Variants in DMXL2 observed in about 807,000 individuals in gnomAD.
DMXL2 encodes dmX-like protein 2.
DMXL2 carries 103 observed loss-of-function variants against 331.1 expected under a neutral mutation model. That is an observed-to-expected ratio of 0.31 (90% CI 0.27 to 0.37). The LOEUF is 0.37. Among genes scored for constraint, DMXL2 ranks in the 10% least tolerant of loss-of-function variants. The pLI is 1.00. For synonymous variants in DMXL2, 1,281 were observed against 1,252.1 expected (o/e 1.02, Z -0.49); for missense variants, 3,171 against 3,642.9 (o/e 0.87, Z 3.33).
chr15:51,481,656 A>G (rs1595957516), intron 23 of DMXL2, 33 bp from the exon 24 acceptor site: 2 of 1,503,728 alleles, frequency 1.3e-6, no homozygotes, highest in African/African-American at 2.8e-5. Flanking sequence ...ATCACAAAGC[A>G]TTGTGTTAAT....
intron 14 of DMXL2, among the ~76,000 whole-genome samples, 179 bp from the exon 15 acceptor site, chr15:51,514,738 A>G (rs888873830): frequency 6.6e-6 from 1 of 152,038 alleles, no homozygotes; most frequent in Non-Finnish European, 1.5e-5. Flanking sequence ...TATCCTGGTC[A>G]GAGAAAAATT....
At chr15:51,579,113 G>T (rs1203923519) in intron 1 of DMXL2, among the ~76,000 whole-genome samples, 4 of 151,892 alleles carry the variant, frequency 2.6e-5, no homozygotes, top group African/African-American at 7.3e-5. Flanking sequence ...TCAAGAAAAG[G>T]AAAAAAATGG....
chr15:51,540,630 C>CA lies in DMXL2; in HGVS notation c.1105+1702dup, dbSNP rs554371309. On this transcript the variant is annotated intron_variant, in intron 9 of 43. Coordinates refer to ENST00000560891, the MANE Select transcript of DMXL2 (RefSeq NM_001378457.1). Reference sequence around the variant, plus strand: ...TATTCTTTCAACTTTCTTGTAGTTTCAAAAAATTTTTTGAAAAAAAAGTGA... The same window carrying CA: ...TATTCTTTCAACTTTCTTGTAGTTTCAAAAAAATTTTTTGAAAAAAAAGTGA... 4.9e-3 allele frequency among the ~76,000 whole-genome samples: 748 copies of CA among 151,218 alleles called. 2 individuals carry two copies. The highest frequency in any genetic ancestry group is 8.3e-3 in the Non-Finnish European group (565 of 67,780).
In DMXL2 at chr15:51,479,980, T is replaced by C; in HGVS notation, c.6724A>G (p.Thr2242Ala). Residue 2242 changes from threonine (T) to alanine (A), a missense_variant, in exon 25 of 44, where the codon ACA becomes GCA. Around this residue, in one of 7 missense-constraint regions of DMXL2, gnomAD observed 197 missense variants for 196.2 expected, o/e 1.00. Transcript: ENST00000560891. Reference protein sequence around the residue: ...DILYTIVQMKTPPHPSIEDVK... With the variant: ...DILYTIVQMKAPPHPSIEDVK... ...TCTTCAATACTGGGATGAGGTGGTG[T>C]TTTCATCTGAACAATAGTATAAAGT... 3.9e-6 allele frequency: 6 copies of C among 1,525,064 alleles called. No homozygotes were observed. The highest frequency in any genetic ancestry group is 5.3e-6 in the Non-Finnish European group (6 of 1,121,638). The allele number at this position is 1,525,064 out of a possible 1,614,324, so 94.5% of individuals were successfully genotyped here. A position where few individuals can be genotyped will look rare whatever the true frequency, so the allele number is the denominator to read the frequency against.
chr15:51,488,434 T>C (rs536698332), intron 21 of DMXL2, 114 bp downstream of exon 21: 4 of 930,656 alleles, frequency 4.3e-6, no homozygotes, highest in East Asian at 2.6e-5. Flanking sequence ...CCAGGTCGCA[T>C]AGAAGTGGAT....
rs148325629 is a variant in DMXL2, at chr15:51,499,468, G to C, written c.3756C>G (p.Leu1252=). Residue 1252 remains leucine, a synonymous_variant, in exon 18 of 44, where the codon CTC becomes CTG. Transcript: ENST00000560891. ...CCAATATCCCATCTCTTACCCAAGA[G>C]AGAGAAACAGGCAGTGAAGGAGTAC... ...VDGTPSLPVS[L]SWVRDGILVV... is the part of the protein sequence containing the mutation. The C allele has an allele frequency of 6.2e-7, 1 of 1,614,050 alleles. No homozygotes were observed. The highest frequency in any genetic ancestry group is 1.3e-5 in the African/African-American group (1 of 75,044).
intron 13 of DMXL2, among the ~76,000 whole-genome samples, chr15:51,525,932 C>G (rs953311351): frequency 6.6e-6 from 1 of 151,830 alleles, no homozygotes; most frequent in East Asian, 1.9e-4. Context: ...ACTGCAGGAG[C>G]CCCAGGGCTT....
chr15:51,479,275 A>G (rs2041831114), intron 25 of DMXL2, among the ~76,000 whole-genome samples: 1 of 152,230 alleles, frequency 6.6e-6, no homozygotes. Flanking sequence ...CAAATAAAAA[A>G]TAAGAAAACA....
chr15:51,586,022 GT>G (rs2051795728), intron 1 of DMXL2, among the ~76,000 whole-genome samples: 1 of 152,136 alleles, frequency 6.6e-6, no homozygotes, highest in South Asian at 2.1e-4. Context: ...ATTTGAATAA[GT>G]TCTTTTGTCC....
At chr15:51,535,297 T>A (rs368425091) in intron 13 of DMXL2, among the ~76,000 whole-genome samples, 29 of 152,264 alleles carry the variant, frequency 1.9e-4, no homozygotes, top group African/African-American at 6.7e-4. Context: ...TTGAAAAAGT[T>A]CCAATTTTCC....
At position 51,458,699 on chromosome 15, in the gene DMXL2, G is replaced by T. The variant is rs527773429; in HGVS notation, c.8076+10C>A. 68 of 1,613,782 alleles carry T rather than the reference G, an allele frequency of 4.2e-5. 1 individual carries two copies. The South Asian group carries it at 7.4e-4, about 17-fold the overall frequency. On this transcript the variant is annotated intron_variant, in intron 35 of 43. Coordinates refer to ENST00000560891, the MANE Select transcript of DMXL2 (RefSeq NM_001378457.1). Reference sequence around the variant, plus strand: ...AGAAATACACTGTGTATAATGATGAGAGCTTTTACCTTATTAACAGAAAAT... The same window carrying T: ...AGAAATACACTGTGTATAATGATGATAGCTTTTACCTTATTAACAGAAAAT...
At chr15:51,583,283 G>C (rs1160414345) in intron 1 of DMXL2, among the ~76,000 whole-genome samples, 4 of 80,418 alleles carry the variant, frequency 5.0e-5, no homozygotes, top group Admixed American at 1.3e-4. Context: ...CCCCTCCCCC[G>C]ACCCCACCAC....
At chr15:51,607,563 CAG>C (rs1567180576) in intron 1 of DMXL2, among the ~76,000 whole-genome samples, 1 of 152,130 alleles carries the variant, frequency 6.6e-6, no homozygotes, top group Non-Finnish European at 1.5e-5. Context: ...TAAGGTCAAT[CAG>C]GGCAGAGGCA....
At chr15:51,536,998 T>C in intron 11 of DMXL2, 136 bp from the exon 12 acceptor site, 1 of 750,662 alleles carries the variant, frequency 1.3e-6, no homozygotes, top group Non-Finnish European at 2.1e-6. Flanking sequence ...CCAGTCCCCT[T>C]GCTCTATTTA....
At chr15:51,509,988 C>T (rs1241379049) in intron 15 of DMXL2, among the ~76,000 whole-genome samples, 2 of 152,090 alleles carry the variant, frequency 1.3e-5, no homozygotes, top group African/African-American at 4.8e-5. Context: ...CAGAAAAGGC[C>T]TTTGATAAAA....
chr15:51,455,048 C>T, intron 40 of DMXL2, 103 bp downstream of exon 40: 2 of 934,514 alleles, frequency 2.1e-6, no homozygotes, highest in South Asian at 2.8e-5. Flanking sequence ...AAAAAATCAT[C>T]CTTTTCCCAA....
intron 1 of DMXL2, among the ~76,000 whole-genome samples, chr15:51,590,021 C>A (rs538391797): frequency 1.3e-5 from 2 of 152,184 alleles, no homozygotes; most frequent in Non-Finnish European, 1.5e-5. Flanking sequence ...TATTCACAGG[C>A]CTTTCTAGAG....
intron 19 of DMXL2, among the ~76,000 whole-genome samples, chr15:51,493,274 GATATAAAATATATA>G (rs1411811419): frequency 2.6e-5 from 4 of 151,998 alleles, no homozygotes; most frequent in Admixed American, 2.6e-4. Context: ...TAATTTTGCT[GATATAAAATATATA>G]ATATAAAATG....
intron 41 of DMXL2, among the ~76,000 whole-genome samples, chr15:51,451,948 G>C (rs2039182094): frequency 1.3e-5 from 2 of 152,152 alleles, no homozygotes; most frequent in South Asian, 2.1e-4. Context: ...CCAGGAAACT[G>C]ATATGACTTC....
Sources: allele counts gnomAD v4.1 joint callset (sites outside exome capture counted in the v4.1 genomes callset), GRCh38; gene constraint gnomAD v4.1.1; regional missense constraint gnomAD v4.1.1; transcripts MANE v1.5; gene names NCBI Gene and HGNC (gene_info 2026-07-23, HGNC 2026-07-21).